The following NXN variants were observed in gnomAD, a reference collection of about 807,000 sequenced individuals.
NXN encodes the protein nucleoredoxin 1.
NXN carries 16 observed loss-of-function variants against 48.6 expected under a neutral mutation model. The ratio of observed to expected loss-of-function variants is 0.33; its 90% CI spans 0.22 to 0.50. The LOEUF is 0.50. NXN is among the 20% of genes least tolerant of loss of function. The probability of loss-of-function intolerance (pLI) is 0.98; values close to 1 mark genes in which losing one functional copy is unlikely to be tolerated. For missense variants in NXN, 492 were observed against 605.5 expected (o/e 0.81, Z 1.97); for synonymous variants, 281 against 269.6 (o/e 1.04, Z -0.41).
intron 5 of NXN, among the ~76,000 whole-genome samples, chr17:809,883 T>G (rs79217400): frequency 0.13 from 15,280 of 120,584 alleles, 1,662 homozygotes; most frequent in East Asian, 0.2. Context: ...GTGAGTGGCG[T>G]GTACGTTAAG....
Position 884,247 on chromosome 17 carries a change from T to TA in NXN, c.361-58170dup, listed in dbSNP as rs112696538. On this transcript the variant is annotated intron_variant, in intron 1 of 7. Transcript: ENST00000336868. Reference sequence around the variant, plus strand: ...AAAAATAAATAAATAAATAAATAAATAATAAAACGAAGCTGTGTGTAGTGG... The same window carrying TA: ...AAAAATAAATAAATAAATAAATAAATAAATAAAACGAAGCTGTGTGTAGTGG... Among the ~76,000 whole-genome samples the TA allele has an allele frequency of 7.2e-3, 1,072 of 149,360 alleles. 18 individuals carry two copies. The highest frequency in any genetic ancestry group is 0.025 in the African/African-American group (1,011 of 40,322).
chr17:904,962 G>A (rs73975585), intron 1 of NXN, among the ~76,000 whole-genome samples: 3,545 of 152,122 alleles, frequency 0.023, 142 homozygotes, highest in African/African-American at 0.081. Context: ...TCTGTTTCCC[G>A]TCTTCTGCTC....
chr17:979,305 C>A lies in NXN; in HGVS notation c.360+14G>T, dbSNP rs1207573563. The A allele has an allele frequency of 1.4e-6, 2 of 1,391,114 alleles. No homozygotes were observed. Among genetic ancestry groups the A allele is most frequent in the East Asian group, 3.2e-5 (1 of 31,650 alleles). The allele number at this position is 1,391,114 out of a possible 1,614,324, so 86.2% of individuals were successfully genotyped here. On this transcript the variant is annotated intron_variant, in intron 1 of 7. Coordinates refer to ENST00000336868, the MANE Select transcript of NXN (RefSeq NM_022463.5). The stretch of plus-strand genomic sequence containing the variant: ...GGGGGGCGGGCAGGGGCCGGCGAGG[C>A]CCGCGCCGCTCACCTTCCTGTGCTT...
chr17:977,117 G>C (rs997156326), intron 1 of NXN, among the ~76,000 whole-genome samples: 5 of 152,176 alleles, frequency 3.3e-5, no homozygotes, highest in African/African-American at 4.8e-5. Context: ...AAGAGTATGT[G>C]TTCCATAAGA....
At chr17:979,289 G>T (rs2069506891) in intron 1 of NXN, 30 bp downstream of exon 1, 1 of 1,297,532 alleles carries the variant, frequency 7.7e-7, no homozygotes. Flanking sequence ...TGGGGGGCGG[G>T]CAGGGGCCGG....
intron 1 of NXN, among the ~76,000 whole-genome samples, chr17:843,199 C>T (rs1162208648): frequency 6.6e-6 from 1 of 152,210 alleles, no homozygotes; most frequent in Non-Finnish European, 1.5e-5. Context: ...GTGCCGAACG[C>T]AAAGTATTTA....
chr17:953,298 C>T (rs978703848), intron 1 of NXN, among the ~76,000 whole-genome samples: 1 of 152,216 alleles, frequency 6.6e-6, no homozygotes. Flanking sequence ...GCCTGTAATC[C>T]CAGCTACTTG....
At chr17:954,778 A>T (rs2069147700) in intron 1 of NXN, among the ~76,000 whole-genome samples, 1 of 149,426 alleles carries the variant, frequency 6.7e-6, no homozygotes, top group Non-Finnish European at 1.5e-5. Flanking sequence ...ATCTGGATGG[A>T]ATGGAATGGC....
At chr17:858,264 C>T (rs1310639321) in intron 1 of NXN, among the ~76,000 whole-genome samples, 1 of 152,132 alleles carries the variant, frequency 6.6e-6, no homozygotes, top group Non-Finnish European at 1.5e-5. Flanking sequence ...AGGGATCCAC[C>T]CGCCTTGGCC....
At chr17:805,506 A>C (rs533554212) in intron 5 of NXN, among the ~76,000 whole-genome samples, 1 of 152,306 alleles carries the variant, frequency 6.6e-6, no homozygotes, top group Admixed American at 6.5e-5. Flanking sequence ...CAGGATCCTC[A>C]GCTGCAGCCT....
chr17:819,403 C>T (rs373523821), intron 5 of NXN, 36 bp downstream of exon 5: 3 of 1,519,196 alleles, frequency 2.0e-6, no homozygotes, highest in African/African-American at 2.7e-5. Context: ...AGCAGGTTTC[C>T]AGGAGCCACA....
At chr17:874,636 G>A (rs1287622214) in intron 1 of NXN, among the ~76,000 whole-genome samples, 1 of 149,520 alleles carries the variant, frequency 6.7e-6, no homozygotes, top group Non-Finnish European at 1.5e-5. Flanking sequence ...AGCAATGGGA[G>A]AACAGACTAA....
At chr17:896,856 C>CCGGGGGGGGCG in intron 1 of NXN, 4 of 1,156,926 alleles carry the variant, frequency 3.5e-6, no homozygotes, top group Non-Finnish European at 4.5e-6. Flanking sequence ...CGGTCCTGAC[C>CCGGGGGGGGCG]ACCCGCCCCC....
chr17:825,884 G>T lies in NXN; in HGVS notation c.478+77C>A. On this transcript the variant is annotated intron_variant, in intron 2 of 7. Coordinates refer to ENST00000336868, the MANE Select transcript of NXN (RefSeq NM_022463.5). The surrounding 1 kb of genome is among the most constrained non-coding windows in gnomAD (Gnocchi z 4.1). ...TCACCAGTACTCTCTCCACCGGTGGGACGGAGATTAGCCTAAGGGCATGGA... is the reference window on the plus strand; with the variant it reads ...TCACCAGTACTCTCTCCACCGGTGGTACGGAGATTAGCCTAAGGGCATGGA... 1 of 890,330 alleles carries T rather than the reference G, an allele frequency of 1.1e-6. No homozygotes were observed. The highest frequency in any genetic ancestry group is 1.8e-6 in the Non-Finnish European group (1 of 555,348). 55.2% of individuals were successfully genotyped at this position (890,330 alleles called of 1,614,324 possible).
chr17:904,337 T>G, intron 1 of NXN, among the ~76,000 whole-genome samples: 1 of 152,284 alleles, frequency 6.6e-6, no homozygotes, highest in South Asian at 2.1e-4. Context: ...CCCAGTTTTA[T>G]GGTGCCCCGT....
At chr17:812,815 T>C (rs1912196639) in intron 5 of NXN, among the ~76,000 whole-genome samples, 1 of 149,178 alleles carries the variant, frequency 6.7e-6, no homozygotes, top group East Asian at 2.0e-4. Context: ...AGTGTAGGTG[T>C]GTGTGCGAGT....
intron 1 of NXN, among the ~76,000 whole-genome samples, chr17:852,421 C>T (rs1284921563): frequency 6.6e-6 from 1 of 152,192 alleles, no homozygotes; most frequent in Non-Finnish European, 1.5e-5. Context: ...CAAACTCAAC[C>T]CTGTTTTCTC....
chr17:833,138 A>G (rs867554596), intron 1 of NXN, among the ~76,000 whole-genome samples: 14 of 152,012 alleles, frequency 9.2e-5, no homozygotes, highest in African/African-American at 2.4e-4. Flanking sequence ...TGATCCGCCC[A>G]CCTCAGCCTC....
At chr17:812,805 AGT>A (rs1397692970) in intron 5 of NXN, among the ~76,000 whole-genome samples, 10 of 115,972 alleles carry the variant, frequency 8.6e-5, no homozygotes, top group Non-Finnish European at 5.4e-5. Context: ...TGTGTGCGTG[AGT>A]GTAGGTGTGT....
Sources: allele counts gnomAD v4.1 joint callset (sites outside exome capture counted in the v4.1 genomes callset), GRCh38; gene constraint gnomAD v4.1.1; non-coding constraint Gnocchi (gnomAD v3.1); transcripts MANE v1.5; gene names NCBI Gene and HGNC (gene_info 2026-07-23, HGNC 2026-07-21).